Variants in MMRN1 observed in about 807,000 individuals in gnomAD.
MMRN1 encodes the protein multimerin-1.
Under a neutral mutation model 100.7 loss-of-function variants are expected in MMRN1, and 94 were observed. The observed-to-expected ratio is 0.93, with a 90% CI of 0.79 to 1.11. MMRN1 has a LOEUF of 1.11. Ranked by LOEUF, MMRN1 falls within the 50% of genes least tolerant of loss-of-function variation. The probability of loss-of-function intolerance (pLI) is 0.00; values close to 1 mark genes in which losing one functional copy is unlikely to be tolerated. For missense variants in MMRN1, 1,606 were observed against 1,439.1 expected (o/e 1.12, Z -1.88); for synonymous variants, 575 against 505.0 (o/e 1.14, Z -1.86).
chr4:89,952,822 T>G (rs189374022), intron 7 of MMRN1, among the ~76,000 whole-genome samples, 175 bp from the exon 8 acceptor site: 1 of 152,152 alleles, frequency 6.6e-6, no homozygotes, highest in African/African-American at 2.4e-5. Flanking sequence ...TTTAGAGTAA[T>G]TTACCCCAGA....
intron 4 of MMRN1, among the ~76,000 whole-genome samples, chr4:89,925,949 A>T (rs1722245318): frequency 6.6e-6 from 1 of 152,036 alleles, no homozygotes; most frequent in African/African-American, 2.4e-5. Context: ...AGTTCCATCC[A>T]TGTTGTTGCT....
intron 6 of MMRN1, among the ~76,000 whole-genome samples, chr4:89,938,563 T>A (rs1323886559): frequency 6.8e-6 from 1 of 147,618 alleles, no homozygotes; most frequent in East Asian, 2.0e-4. Flanking sequence ...TGAAATAGCC[T>A]CAAATAAATT....
At chr4:89,902,258 A>G (rs938861788) in intron 1 of MMRN1, 4 of 152,014 alleles carry the variant, frequency 2.6e-5, no homozygotes, top group African/African-American at 7.2e-5. Context: ...GCGCACCAGC[A>G]TGGCACATGT....
rs201235769 is a variant in MMRN1, at chr4:89,953,433, C to T, written c.*15C>T. The stretch of plus-strand genomic sequence containing the variant: ...ATCGTACATAAGTTAGTATGAAAAA[C>T]AGACTATCACCTTTATTGAGAAACA... On this transcript the variant is annotated 3_prime_UTR_variant, in exon 8 of 8. Transcript: ENST00000264790. 2.6e-5 allele frequency: 40 copies of T among 1,561,870 alleles called. No individual in the cohort carries two copies. The African/African-American group carries it at 4.8e-4, about 19-fold the overall frequency.
At chr4:89,914,117 G>T (rs1187266167) in intron 3 of MMRN1, among the ~76,000 whole-genome samples, 1 of 151,236 alleles carries the variant, frequency 6.6e-6, no homozygotes, top group Non-Finnish European at 1.5e-5. Flanking sequence ...CTCCTGGGAG[G>T]ATATTTGCAC....
At chr4:89,904,831 G>A (rs1721511584) in intron 1 of MMRN1, among the ~76,000 whole-genome samples, 1 of 151,550 alleles carries the variant, frequency 6.6e-6, no homozygotes, top group South Asian at 2.1e-4. Context: ...ATTGACTTAG[G>A]ACACATAGTT....
At chr4:89,902,623 A>AG (rs1325995468) in intron 1 of MMRN1, among the ~76,000 whole-genome samples, 1 of 151,980 alleles carries the variant, frequency 6.6e-6, no homozygotes, top group African/African-American at 2.4e-5. Flanking sequence ...GGCACTCTAC[A>AG]GTCATCTATC....
At chr4:89,948,000 A>C (rs934975013) in intron 6 of MMRN1, among the ~76,000 whole-genome samples, 4 of 152,018 alleles carry the variant, frequency 2.6e-5, no homozygotes, top group East Asian at 3.9e-4. Context: ...TTACAGGCAC[A>C]CACCACCACA....
intron 3 of MMRN1, among the ~76,000 whole-genome samples, chr4:89,918,811 C>T (rs1722000744): frequency 6.6e-6 from 1 of 151,772 alleles, no homozygotes; most frequent in African/African-American, 2.4e-5. Flanking sequence ...TTTTCACATA[C>T]ACAAATTTTG....
In MMRN1 at chr4:89,927,800, A is replaced by G. The variant is rs201813411; in HGVS notation, c.961A>G (p.Met321Val). ...QQQGCGDPEVMQKMTDQVNYQ... is the reference protein window; with the variant it reads ...QQQGCGDPEVVQKMTDQVNYQ... ...ATTTTCTCTTCTATATGCAGAAGTG[A>G]TGCAAAAAATGACTGATCAGGTGAA... The change falls in exon 5 of 8, where the codon ATG becomes GTG. Residue 321 changes from methionine to valine, a missense_variant. Transcript: ENST00000264790. 6.2e-7 allele frequency: 1 copy of G among 1,610,064 alleles called. No homozygotes were observed. Among genetic ancestry groups the G allele is most frequent in the Non-Finnish European group, 8.5e-7 (1 of 1,178,504 alleles).
intron 1 of MMRN1, among the ~76,000 whole-genome samples, chr4:89,885,754 A>G (rs1047422523): frequency 1.3e-5 from 2 of 151,984 alleles, no homozygotes; most frequent in African/African-American, 4.8e-5. Flanking sequence ...TTTATTTTCT[A>G]ACAGTTACTA....
At chr4:89,890,312 C>A (rs1012045387), upstream of MMRN1, among the ~76,000 whole-genome samples, 1 of 150,136 alleles carries the variant, frequency 6.7e-6, no homozygotes, top group Non-Finnish European at 1.5e-5. Flanking sequence ...TCTTTCCAGG[C>A]TGACAATTCT....
At chr4:89,931,466 T>C (rs1722431917) in intron 5 of MMRN1, among the ~76,000 whole-genome samples, 1 of 152,214 alleles carries the variant, frequency 6.6e-6, no homozygotes, top group Non-Finnish European at 1.5e-5. Context: ...CAGACTTTCC[T>C]GTCTAAAATG....
chr4:89,930,586 G>A (rs1722404653), intron 5 of MMRN1, among the ~76,000 whole-genome samples: 1 of 151,860 alleles, frequency 6.6e-6, no homozygotes. Context: ...AAAGAAGGTC[G>A]AATCTGAACC....
At chr4:89,902,405 G>A (rs1057364412) in intron 1 of MMRN1, among the ~76,000 whole-genome samples, 1 of 151,792 alleles carries the variant, frequency 6.6e-6, no homozygotes, top group Admixed American at 6.6e-5. Context: ...TTGACTTTAA[G>A]AATCATTACT....
Position 89,927,848 on chromosome 4 carries a change from C to T in MMRN1, c.1009C>T (p.Leu337Phe). The change falls in exon 5 of 8, where the codon CTT becomes TTT. Residue 337 changes from leucine (L) to phenylalanine (F), a missense_variant. Physicochemically the swap from Leu to Phe is conservative, Grantham distance 22. Coordinates refer to ENST00000264790, the MANE Select transcript of MMRN1 (RefSeq NM_007351.3). ...QVNYQAMKLT[L>F]LQKKIDNISL... ...GAACTACCAGGCAATGAAACTGACT[C>T]TTCTGCAGAAGAAGATTGACAATAT... 1 of 1,612,712 alleles carries T rather than the reference C, an allele frequency of 6.2e-7. No individual in the cohort carries two copies. The highest frequency in any genetic ancestry group is 8.5e-7 in the Non-Finnish European group (1 of 1,179,306).
At position 89,905,192 on chromosome 4, in the gene MMRN1, G is replaced by A. The variant is rs560214445; in HGVS notation, c.624-4084G>A. ...GGGATTTTATCACTATGGACTTCAG[G>A]AGTTTAGTGTAAAATGATGTACAAC... On this transcript the variant is annotated intron_variant, in intron 1 of 7. Coordinates refer to ENST00000264790, the MANE Select transcript of MMRN1 (RefSeq NM_007351.3). Among the ~76,000 whole-genome samples, 13 of 151,542 alleles carry A rather than the reference G, an allele frequency of 8.6e-5. No individual in the cohort carries two copies. The South Asian group carries it at 2.1e-3, about 24-fold the overall frequency.
chr4:89,884,144 T>A (rs1054527597), intron 1 of MMRN1, among the ~76,000 whole-genome samples: 3 of 152,154 alleles, frequency 2.0e-5, no homozygotes, highest in Non-Finnish European at 4.4e-5. Flanking sequence ...TCATGTAGTA[T>A]TAACTATCCA....
chr4:89,918,815 A>T (rs144546276), intron 3 of MMRN1, among the ~76,000 whole-genome samples: 15 of 151,932 alleles, frequency 9.9e-5, no homozygotes, highest in African/African-American at 3.4e-4. Context: ...CACATACACA[A>T]ATTTTGTGGA....
Sources: allele counts gnomAD v4.1 joint callset (sites outside exome capture counted in the v4.1 genomes callset), GRCh38; gene constraint gnomAD v4.1.1; transcripts MANE v1.5; gene names NCBI Gene and HGNC (gene_info 2026-07-23, HGNC 2026-07-21).